Variants in GALNT17 observed in about 807,000 individuals in gnomAD.
GALNT17 encodes the protein polypeptide N-acetylgalactosaminyltransferase 17, also known as UDP-GalNAc:polypeptide N-acetylgalactosaminyltransferase-like 3.
Under a neutral mutation model 63.7 loss-of-function variants are expected in GALNT17, and 29 were observed. That is an observed-to-expected ratio of 0.46 (90% CI 0.34 to 0.62). The LOEUF (loss-of-function observed/expected upper bound fraction) is 0.62, where lower values mean the gene tolerates loss of function less well. GALNT17 is among the 20% of genes least tolerant of loss of function. The pLI is 0.01. For missense variants in GALNT17, 603 were observed against 799.6 expected (o/e 0.75, Z 2.97); for synonymous variants, 305 against 318.3 (o/e 0.96, Z 0.45).
rs533075539 is a variant in GALNT17 at position 71,621,054 on chromosome 7, A to G, written c.1081-44357A>G. ...CACTTAGTTGCATTTTTTAAAAACT[A>G]TGTTAATTATAGGCTTAAGTCATGT... On this transcript the variant is annotated intron_variant, in intron 6 of 10. Coordinates refer to ENST00000333538, the MANE Select transcript of GALNT17 (RefSeq NM_022479.3). 9.4e-4 allele frequency among the ~76,000 whole-genome samples: 143 copies of G among 152,348 alleles called. 1 individual carries two copies. In the South Asian group the frequency reaches 0.028, roughly 30 times the overall value.
intron 6 of GALNT17, among the ~76,000 whole-genome samples, chr7:71,647,095 C>A (rs538988351): frequency 6.6e-6 from 1 of 151,742 alleles, no homozygotes; most frequent in East Asian, 1.9e-4. Context: ...GACAGAGTCT[C>A]GCTCTGTTAC....
intron 2 of GALNT17, among the ~76,000 whole-genome samples, chr7:71,377,110 A>AT (rs1563047531): frequency 1.6e-5 from 1 of 63,482 alleles, no homozygotes; most frequent in Non-Finnish European, 2.9e-5. Flanking sequence ...ATAAAAATAA[A>AT]AAAAATATAT....
chr7:71,637,484 T>TG (rs1186113884), intron 6 of GALNT17, among the ~76,000 whole-genome samples: 5 of 138,948 alleles, frequency 3.6e-5, no homozygotes, highest in Admixed American at 1.4e-4. Context: ...CCACCGCACC[T>TG]GGCCATTTTT....
At chr7:71,458,490 A>G (rs1787394075) in intron 5 of GALNT17, among the ~76,000 whole-genome samples, 1 of 152,206 alleles carries the variant, frequency 6.6e-6, no homozygotes, top group African/African-American at 2.4e-5. Context: ...ACTCAGATAC[A>G]TTTAGCTCAG....
In GALNT17 at chr7:71,310,606, A is replaced by G. The variant is rs7788169; in HGVS notation, c.239-24944A>G. Reference sequence around the variant, plus strand: ...TTCAAGCAGTTCAGCAGTGCAACATATATGTTTCCCTTTCCTTCATGGCTA... The same window carrying G: ...TTCAAGCAGTTCAGCAGTGCAACATGTATGTTTCCCTTTCCTTCATGGCTA... On this transcript the variant is annotated intron_variant, in intron 1 of 10. Transcript: ENST00000333538. Among the ~76,000 whole-genome samples, 433 of 152,310 alleles carry G rather than the reference A, an allele frequency of 2.8e-3. 3 individuals carry two copies. The highest frequency in any genetic ancestry group is 1.0e-2 in the African/African-American group (414 of 41,576).
chr7:71,211,879 A>G (rs1789384296), intron 1 of GALNT17, among the ~76,000 whole-genome samples: 1 of 152,246 alleles, frequency 6.6e-6, no homozygotes, highest in African/African-American at 2.4e-5. Flanking sequence ...AAAGCATTCA[A>G]GACATGACTT....
chr7:71,621,553 AGATGGATGGATG>A (rs71089967), intron 6 of GALNT17, among the ~76,000 whole-genome samples: 2 of 143,040 alleles, frequency 1.4e-5, no homozygotes, highest in African/African-American at 5.3e-5. Flanking sequence ...ATTGATGGAT[AGATGGATGGATG>A]GATGGATGGA....
chr7:71,160,504 GC>G (rs1168887792), intron 1 of GALNT17, among the ~76,000 whole-genome samples: 1 of 152,082 alleles, frequency 6.6e-6, no homozygotes, highest in African/African-American at 2.4e-5. Flanking sequence ...TGTTGCCTAG[GC>G]TGGAGTGCAA....
intron 5 of GALNT17, among the ~76,000 whole-genome samples, chr7:71,561,051 C>T (rs28526781): frequency 6.6e-6 from 1 of 152,028 alleles, no homozygotes; most frequent in Non-Finnish European, 1.5e-5. Context: ...CTCGCTCTGT[C>T]GGCCAGGCTG....
At chr7:71,635,602 C>A (rs1407579436) in intron 6 of GALNT17, among the ~76,000 whole-genome samples, 1 of 151,954 alleles carries the variant, frequency 6.6e-6, no homozygotes. Context: ...TGATCCAGAC[C>A]CCAAGAGAAG....
At chr7:71,244,686 C>T (rs1012309571) in intron 1 of GALNT17, among the ~76,000 whole-genome samples, 3 of 152,156 alleles carry the variant, frequency 2.0e-5, no homozygotes, top group Admixed American at 2.0e-4. Flanking sequence ...AAAAGTTGCC[C>T]AGGTGCGGTG....
At chr7:71,375,950 G>A (rs987822495) in intron 2 of GALNT17, among the ~76,000 whole-genome samples, 8 of 152,200 alleles carry the variant, frequency 5.3e-5, no homozygotes, top group African/African-American at 1.7e-4. Flanking sequence ...GGTGGCGTGC[G>A]CCTGTCATCC....
chr7:71,175,132 C>T (rs1788613111), intron 1 of GALNT17, among the ~76,000 whole-genome samples: 1 of 147,952 alleles, frequency 6.8e-6, no homozygotes, highest in African/African-American at 2.7e-5. Context: ...ATCCATCAGT[C>T]TATCTGTCCA....
At chr7:71,205,159 T>A (rs1789248821) in intron 1 of GALNT17, among the ~76,000 whole-genome samples, 1 of 143,592 alleles carries the variant, frequency 7.0e-6, no homozygotes, top group Admixed American at 6.9e-5. Context: ...TTACTTTTTT[T>A]TTTTTTTTTT....
At chr7:71,290,169 A>G (rs114704474) in intron 1 of GALNT17, among the ~76,000 whole-genome samples, 1 of 152,258 alleles carries the variant, frequency 6.6e-6, no homozygotes, top group Non-Finnish European at 1.5e-5. Context: ...CCAGAACATT[A>G]TCATCACCCC....
intron 5 of GALNT17, among the ~76,000 whole-genome samples, chr7:71,500,206 G>A (rs149482331): frequency 9.5e-4 from 144 of 152,152 alleles, no homozygotes; most frequent in East Asian, 5.4e-3. Context: ...TAATTGCACC[G>A]CCTTGCCCTG....
At chr7:71,228,036 C>G (rs1337286555) in intron 1 of GALNT17, among the ~76,000 whole-genome samples, 1 of 152,070 alleles carries the variant, frequency 6.6e-6, no homozygotes, top group African/African-American at 2.4e-5. Context: ...TGAGAGGACC[C>G]CAGTTTGGTG....
rs370914004 is a variant in GALNT17, at chr7:71,589,074, A to G, written c.1080+17672A>G. 1.7e-3 allele frequency among the ~76,000 whole-genome samples: 253 copies of G among 152,292 alleles called. 1 individual carries two copies. The South Asian group carries it at 0.027, about 16-fold the overall frequency. On this transcript the variant is annotated intron_variant, in intron 6 of 10. Coordinates refer to ENST00000333538, the MANE Select transcript of GALNT17 (RefSeq NM_022479.3). ...TTAGTGTGTGGAGGTAGCAGAGAACAGAATGGACTGCTCGGAGAAGGAAAG... is the reference window on the plus strand; with the variant it reads ...TTAGTGTGTGGAGGTAGCAGAGAACGGAATGGACTGCTCGGAGAAGGAAAG...
At chr7:71,267,348 C>T (rs1056866642) in intron 1 of GALNT17, among the ~76,000 whole-genome samples, 1 of 149,952 alleles carries the variant, frequency 6.7e-6, no homozygotes, top group East Asian at 2.0e-4. Context: ...TTTGATATCT[C>T]CTGTTAAGGG....
Sources: allele counts gnomAD v4.1 joint callset (sites outside exome capture counted in the v4.1 genomes callset), GRCh38; gene constraint gnomAD v4.1.1; transcripts MANE v1.5; gene names NCBI Gene and HGNC (gene_info 2026-07-23, HGNC 2026-07-21).